The following TRAPPC12 variants were observed in gnomAD, a reference collection of about 807,000 sequenced individuals.
TRAPPC12 encodes the protein trafficking protein particle complex subunit 12, also known as TPR repeat protein 15.
A neutral mutation model predicts 69.2 loss-of-function variants in TRAPPC12; 61 were observed. That is an observed-to-expected ratio of 0.88 (90% CI 0.72 to 1.09). The LOEUF is 1.09. TRAPPC12 is among the 50% of genes least tolerant of loss of function. The pLI is 0.00. For synonymous variants in TRAPPC12, 469 were observed against 438.9 expected (o/e 1.07, Z -0.86); for missense variants, 1,101 against 1,016.4 (o/e 1.08, Z -1.13).
intron 10 of TRAPPC12, among the ~76,000 whole-genome samples, chr2:3,478,316 T>C (rs1040972829): frequency 6.6e-6 from 1 of 152,236 alleles, no homozygotes; most frequent in African/African-American, 2.4e-5. Flanking sequence ...TAGGTGAAGT[T>C]ACTCTATCTC....
chr2:3,418,068 T>C (rs1417623028), intron 3 of TRAPPC12, among the ~76,000 whole-genome samples: 1 of 140,404 alleles, frequency 7.1e-6, no homozygotes, highest in Non-Finnish European at 1.5e-5. Flanking sequence ...AACATTGTCA[T>C]AGTGGCAGGC....
At chr2:3,436,580 G>A (rs1263600879) in intron 5 of TRAPPC12, among the ~76,000 whole-genome samples, 1 of 151,950 alleles carries the variant, frequency 6.6e-6, no homozygotes, top group Non-Finnish European at 1.5e-5. Context: ...ACCAATAGCG[G>A]TACATTGTTG....
chr2:3,462,451 G>A (rs1204574413), intron 8 of TRAPPC12, among the ~76,000 whole-genome samples: 1 of 152,210 alleles, frequency 6.6e-6, no homozygotes, highest in Non-Finnish European at 1.5e-5. Flanking sequence ...ACAGGGTATT[G>A]CAACAGTGTG....
chr2:3,460,126 C>T lies in TRAPPC12; in HGVS notation c.1604-137C>T, dbSNP rs968303679. 9 of 741,326 alleles carry T rather than the reference C, an allele frequency of 1.2e-5. No individual in the cohort carries two copies. The Admixed American group carries it at 1.8e-4, about 15-fold the overall frequency. The allele number at this position is 741,326 out of a possible 1,614,324, so 45.9% of individuals were successfully genotyped here. ...TCAGTGCAGCCTGCAGCATATTCAG[C>T]ATTCCAGGCCGAAATCCAGTGGTGT... On this transcript the variant is annotated intron_variant, in intron 7 of 11. Transcript: ENST00000324266.
intron 2 of TRAPPC12, among the ~76,000 whole-genome samples, chr2:3,394,866 A>G (rs776727740): frequency 6.6e-6 from 1 of 152,200 alleles, no homozygotes; most frequent in Non-Finnish European, 1.5e-5. Context: ...AGAATAAACC[A>G]CAAAGGGCTC....
chr2:3,428,383 G>T (rs1663238350), intron 5 of TRAPPC12, among the ~76,000 whole-genome samples: 15 of 152,282 alleles, frequency 9.9e-5, no homozygotes, highest in Admixed American at 9.8e-4. Flanking sequence ...ATAAATGTAA[G>T]ATTTTGATTC....
rs1161748731 is a variant in TRAPPC12 at position 3,430,565 on chromosome 2, T to C, written c.1417+5902T>C. Among the ~76,000 whole-genome samples the C allele has an allele frequency of 2.0e-5, 3 of 152,268 alleles. No individual in the cohort carries two copies. The East Asian group carries it at 5.8e-4, about 29-fold the overall frequency. ...GTTGAGGTTCATTCTATATAGCAGG[T>C]ATTTAATCCTTCATCTGTTTTGTAT... is the stretch of plus-strand genomic sequence containing the variant. On this transcript the variant is annotated intron_variant, in intron 5 of 11. Coordinates refer to ENST00000324266, the MANE Select transcript of TRAPPC12 (RefSeq NM_016030.6).
chr2:3,477,614 A>G, intron 9 of TRAPPC12, 81 bp from the exon 10 acceptor site: 2 of 723,290 alleles, frequency 2.8e-6, no homozygotes, highest in East Asian at 2.8e-5. Flanking sequence ...ATATTCTAAC[A>G]TGATATTAGG....
intron 5 of TRAPPC12, among the ~76,000 whole-genome samples, chr2:3,425,666 C>T (rs1035155045): frequency 6.6e-6 from 1 of 152,032 alleles, no homozygotes; most frequent in African/African-American, 2.4e-5. Flanking sequence ...TTTGCAGGCT[C>T]GATTGTCAGC....
At chr2:3,392,673 A>G (rs1199651940) in intron 2 of TRAPPC12, among the ~76,000 whole-genome samples, 5 of 152,118 alleles carry the variant, frequency 3.3e-5, no homozygotes, top group Admixed American at 3.3e-4. Context: ...TTAACCGAAA[A>G]CTCTGGAGAC....
At chr2:3,387,240 C>A (rs1660533669) in intron 1 of TRAPPC12, among the ~76,000 whole-genome samples, 1 of 152,092 alleles carries the variant, frequency 6.6e-6, no homozygotes, top group Admixed American at 6.5e-5. Context: ...CATAAATAGC[C>A]CTTGAGGACT....
chr2:3,424,027 C>G (rs1032798503), intron 4 of TRAPPC12, among the ~76,000 whole-genome samples: 2 of 152,190 alleles, frequency 1.3e-5, no homozygotes, highest in Admixed American at 6.5e-5. Flanking sequence ...CAACCCATCC[C>G]TGCGCTTCCT....
At chr2:3,447,933 G>T (rs6747916) in intron 6 of TRAPPC12, among the ~76,000 whole-genome samples, 2 of 151,934 alleles carry the variant, frequency 1.3e-5, no homozygotes, top group African/African-American at 4.8e-5. Context: ...GAGACCTCTC[G>T]GTCCGTGGAC....
At chr2:3,448,714 G>C (rs56213521) in intron 6 of TRAPPC12, among the ~76,000 whole-genome samples, 3,216 of 61,752 alleles carry the variant, frequency 0.052, no homozygotes, top group South Asian at 0.072. Flanking sequence ...GGTAGGGCGT[G>C]GAGAGCAGCC....
intron 3 of TRAPPC12, among the ~76,000 whole-genome samples, chr2:3,405,528 A>G (rs1346893309): frequency 1.3e-5 from 2 of 152,226 alleles, no homozygotes; most frequent in Non-Finnish European, 2.9e-5. Flanking sequence ...AGGATTTCCC[A>G]TGAGAAGACC....
chr2:3,409,584 T>G (rs1406741937), intron 3 of TRAPPC12, among the ~76,000 whole-genome samples: 2 of 151,686 alleles, frequency 1.3e-5, no homozygotes, highest in African/African-American at 4.8e-5. Flanking sequence ...CCCCTTTATC[T>G]ACAGATAATT....
At chr2:3,451,379 C>G (rs992367636) in intron 6 of TRAPPC12, among the ~76,000 whole-genome samples, 1 of 152,220 alleles carries the variant, frequency 6.6e-6, no homozygotes. Context: ...GTCTCTTCAG[C>G]CTTACAGCTG....
At chr2:3,419,516 C>T (rs954363950) in intron 3 of TRAPPC12, among the ~76,000 whole-genome samples, 2 of 152,098 alleles carry the variant, frequency 1.3e-5, no homozygotes, top group Non-Finnish European at 2.9e-5. Context: ...TTTAGGGGAA[C>T]GTGGCACCGA....
Position 3,479,273 on chromosome 2 carries a change from C to T in TRAPPC12, c.2020C>T (p.Leu674=), listed in dbSNP as rs138568547. The T allele has an allele frequency of 4.3e-6, 7 of 1,614,056 alleles. No individual in the cohort carries two copies. The African/African-American group carries it at 9.3e-5, about 22-fold the overall frequency. ...LLYLGKLKDS[L]RQLEAMVQQD... ...CTACCTGGGCAAGCTCAAGGACTCC[C>T]TGCGGCAGCTGGAGGCCATGGTCCA... The change falls in exon 12 of 12, where the codon CTG becomes TTG. Residue 674 remains leucine (L), a synonymous_variant. Coordinates refer to ENST00000324266, the MANE Select transcript of TRAPPC12 (RefSeq NM_016030.6).
Sources: gnomAD v4.1 joint callset for allele counts (sites outside exome capture counted in the v4.1 genomes callset) on GRCh38, gnomAD v4.1.1 for gene constraint, MANE v1.5 for transcripts, NCBI Gene and HGNC (gene_info 2026-07-23, HGNC 2026-07-21) for gene names.